The following EEF1AKMT1 variants were observed in gnomAD, a reference collection of about 807,000 sequenced individuals.
EEF1AKMT1 encodes the protein N-6 adenine-specific DNA methyltransferase 2 (putative).
In EEF1AKMT1, 18 loss-of-function variants were observed where a neutral mutation model predicts 21.0. That is an observed-to-expected ratio of 0.86 (90% CI 0.59 to 1.27). The LOEUF (loss-of-function observed/expected upper bound fraction) is 1.27. Ranked by LOEUF, EEF1AKMT1 falls within the 50% of genes most tolerant of loss-of-function variation. The pLI is 0.00. For synonymous variants in EEF1AKMT1, 109 were observed against 94.8 expected, an observed-to-expected ratio of 1.15 and a Z score of -0.87; for missense variants, 246 against 258.6, an observed-to-expected ratio of 0.95 and a Z score of 0.33.
intron 2 of EEF1AKMT1, among the ~76,000 whole-genome samples, chr13:20,744,661 T>C (rs546399690): frequency 6.6e-6 from 1 of 152,372 alleles, no homozygotes; most frequent in Non-Finnish European, 1.5e-5. Context: ...ATAGTTTCTT[T>C]TGCTCTGCAG....
intron 2 of EEF1AKMT1, among the ~76,000 whole-genome samples, chr13:20,740,041 G>C (rs74346685): frequency 0.013 from 1,930 of 152,374 alleles, 47 homozygotes; most frequent in African/African-American, 0.044. Context: ...AGGAGGCTCG[G>C]GCATGGTGGG....
At chr13:20,765,561 G>C (rs8001310) in intron 1 of EEF1AKMT1, among the ~76,000 whole-genome samples, 49,064 of 151,138 alleles carry the variant, frequency 0.32, 9,914 homozygotes, top group East Asian at 0.76. Flanking sequence ...TACAAGCGCC[G>C]GCCACCACAC....
At chr13:20,764,908 CACACACACA>C (rs1329149300) in intron 1 of EEF1AKMT1, among the ~76,000 whole-genome samples, 116 of 150,818 alleles carry the variant, frequency 7.7e-4, no homozygotes, top group African/African-American at 2.7e-3. Context: ...CACACACACA[CACACACACA>C]CCCTAATTTT....
intron 2 of EEF1AKMT1, among the ~76,000 whole-genome samples, chr13:20,740,353 C>T (rs369780681): frequency 9.2e-5 from 14 of 152,350 alleles, no homozygotes; most frequent in South Asian, 4.1e-4. Context: ...GCTTCGGCCT[C>T]GGCCACCTCA....
intron 2 of EEF1AKMT1, among the ~76,000 whole-genome samples, chr13:20,743,503 G>A (rs980109562): frequency 1.3e-5 from 2 of 151,172 alleles, no homozygotes; most frequent in Admixed American, 1.3e-4. Flanking sequence ...CTTTCTCTCA[G>A]TGGGTTTCCT....
At chr13:20,752,556 G>T (rs1471211332) in intron 2 of EEF1AKMT1, among the ~76,000 whole-genome samples, 1 of 151,870 alleles carries the variant, frequency 6.6e-6, no homozygotes, top group Non-Finnish European at 1.5e-5. Context: ...CTAGTATTTT[G>T]TTGAGGACTT....
chr13:20,758,226 CATA>C (rs2058981275), intron 1 of EEF1AKMT1, among the ~76,000 whole-genome samples: 1 of 152,140 alleles, frequency 6.6e-6, no homozygotes, highest in African/African-American at 2.4e-5. Context: ...GTTTCATCTA[CATA>C]ATAATAAGAA....
chr13:20,768,853 C>T (rs1308408690), intron 1 of EEF1AKMT1: 1 of 152,054 alleles, frequency 6.6e-6, no homozygotes, highest in East Asian at 1.9e-4. Context: ...ATAAAGGTGA[C>T]AGAGAGGACA....
Position 20,728,892 on chromosome 13 carries a change from G to T in EEF1AKMT1, c.*188C>A, listed in dbSNP as rs943768050. The T allele has an allele frequency of 7.6e-6, 5 of 660,156 alleles. No homozygotes were observed. Among genetic ancestry groups the T allele is most frequent in the Non-Finnish European group, 1.3e-5 (5 of 392,570 alleles). The allele number at this position is 660,156 out of a possible 1,614,324, so 40.9% of individuals were successfully genotyped here. A position where few individuals can be genotyped will look rare whatever the true frequency, so the allele number is the denominator to read the frequency against. On this transcript the variant is annotated 3_prime_UTR_variant, in exon 5 of 5. Transcript: ENST00000382758. Reference sequence around the variant, plus strand: ...ATTCCATGGATTCAGGTTGGCAGAAGACTGAGCTCTAGGGACGCCCTCCCT... The same window carrying T: ...ATTCCATGGATTCAGGTTGGCAGAATACTGAGCTCTAGGGACGCCCTCCCT...
intron 1 of EEF1AKMT1, among the ~76,000 whole-genome samples, chr13:20,766,319 A>AG (rs2059032431): frequency 2.0e-5 from 3 of 149,900 alleles, no homozygotes; most frequent in South Asian, 4.2e-4. Flanking sequence ...AAAAAAAGAA[A>AG]GAAAGAAAAG....
chr13:20,741,497 G>A (rs577554622), intron 2 of EEF1AKMT1, among the ~76,000 whole-genome samples: 258 of 131,588 alleles, frequency 2.0e-3, no homozygotes, highest in African/African-American at 6.7e-3. Flanking sequence ...TTGCTCTGTC[G>A]CCAGGCTGGA....
At chr13:20,732,910 A>G (rs2058805801) in intron 3 of EEF1AKMT1, among the ~76,000 whole-genome samples, 1 of 152,174 alleles carries the variant, frequency 6.6e-6, no homozygotes, top group Admixed American at 6.5e-5. Flanking sequence ...ATGTGCTCTC[A>G]CTGCAGACAA....
chr13:20,738,529 G>A (rs1224496941), intron 2 of EEF1AKMT1, among the ~76,000 whole-genome samples: 3 of 152,196 alleles, frequency 2.0e-5, no homozygotes, highest in Non-Finnish European at 4.4e-5. Flanking sequence ...GTTGCATGGG[G>A]CATGCCAACT....
intron 3 of EEF1AKMT1, among the ~76,000 whole-genome samples, chr13:20,735,702 G>C (rs1372238212): frequency 6.6e-6 from 1 of 152,156 alleles, no homozygotes; most frequent in Non-Finnish European, 1.5e-5. Context: ...GACATTTAAG[G>C]AACATAGATT....
chr13:20,739,286 T>A (rs1383017406), intron 2 of EEF1AKMT1, among the ~76,000 whole-genome samples: 1 of 152,130 alleles, frequency 6.6e-6, no homozygotes, highest in Non-Finnish European at 1.5e-5. Context: ...TGAGCAGCAG[T>A]AACATTTATT....
chr13:20,748,408 C>A (rs915234430), intron 2 of EEF1AKMT1, among the ~76,000 whole-genome samples: 1 of 150,878 alleles, frequency 6.6e-6, no homozygotes, highest in African/African-American at 2.4e-5. Flanking sequence ...GCACTCCAAC[C>A]TGGGCGACAG....
intron 2 of EEF1AKMT1, chr13:20,748,085 G>A: frequency 5.9e-6 from 1 of 169,502 alleles, no homozygotes; most frequent in Non-Finnish European, 1.3e-5. Context: ...AATCGTCTTT[G>A]TGCCTGTCCA....
intron 1 of EEF1AKMT1, among the ~76,000 whole-genome samples, chr13:20,768,253 GTTAATT>G (rs2059046579): frequency 6.6e-6 from 1 of 152,082 alleles, no homozygotes; most frequent in African/African-American, 2.4e-5. Context: ...TGAAACACAG[GTTAATT>G]ACTTGGAAAC....
At chr13:20,742,920 T>C (rs2058880343) in intron 2 of EEF1AKMT1, among the ~76,000 whole-genome samples, 1 of 152,228 alleles carries the variant, frequency 6.6e-6, no homozygotes, top group Admixed American at 6.5e-5. Flanking sequence ...GTCTTTCTCT[T>C]GTCTCTTAAA....
Sources: allele counts gnomAD v4.1 joint callset (sites outside exome capture counted in the v4.1 genomes callset), GRCh38; gene constraint gnomAD v4.1.1; transcripts MANE v1.5; gene names NCBI Gene and HGNC (gene_info 2026-07-23, HGNC 2026-07-21).